Variants in LURAP1L observed in about 807,000 individuals in gnomAD.
The protein encoded by LURAP1L is leucine rich adaptor protein 1-like.
A neutral mutation model predicts 13.8 loss-of-function variants in LURAP1L; 12 were observed. The ratio of observed to expected loss-of-function variants is 0.87; its 90% CI spans 0.56 to 1.41. The LOEUF is 1.41. LURAP1L is among the 40% of genes most tolerant of loss of function. The pLI is 0.00. For synonymous variants in LURAP1L, 139 were observed against 119.2 expected, an observed-to-expected ratio of 1.17 and a Z score of -1.08; for missense variants, 375 against 292.9, an observed-to-expected ratio of 1.28 and a Z score of -2.04.
chr9:12,785,355 C>G (rs1410184852), intron 1 of LURAP1L, among the ~76,000 whole-genome samples: 2 of 152,144 alleles, frequency 1.3e-5, no homozygotes, highest in Non-Finnish European at 2.9e-5. Context: ...ACTCCCTCGG[C>G]TGGCCCAGCT....
At chr9:12,792,364 C>G (rs938842366) in intron 1 of LURAP1L, among the ~76,000 whole-genome samples, 1 of 152,086 alleles carries the variant, frequency 6.6e-6, no homozygotes, top group Non-Finnish European at 1.5e-5. Flanking sequence ...AAGATTTCTC[C>G]TGTGAGACAT....
intron 1 of LURAP1L, among the ~76,000 whole-genome samples, chr9:12,803,242 T>C (rs1819610854): frequency 6.6e-6 from 1 of 152,194 alleles, no homozygotes; most frequent in African/African-American, 2.4e-5. Context: ...TCTTGAAAAA[T>C]TTCCTATCAC....
chr9:12,783,588 G>T (rs748619919), intron 1 of LURAP1L, among the ~76,000 whole-genome samples: 1 of 152,046 alleles, frequency 6.6e-6, no homozygotes, highest in East Asian at 1.9e-4. Context: ...TTAATGTGTT[G>T]TTGAATTAGG....
At chr9:12,782,622 G>C (rs1177291455) in intron 1 of LURAP1L, among the ~76,000 whole-genome samples, 1 of 152,122 alleles carries the variant, frequency 6.6e-6, no homozygotes, top group East Asian at 1.9e-4. Flanking sequence ...CCAGTATCAT[G>C]CTGTTTTGGT....
intron 1 of LURAP1L, among the ~76,000 whole-genome samples, chr9:12,781,500 C>A: frequency 6.6e-6 from 1 of 152,168 alleles, no homozygotes; most frequent in Non-Finnish European, 1.5e-5. Flanking sequence ...ATAAGTGAGA[C>A]CACGCCAAGT....
chr9:12,800,255 A>G (rs1476227207), intron 1 of LURAP1L, among the ~76,000 whole-genome samples: 3 of 152,332 alleles, frequency 2.0e-5, no homozygotes, highest in East Asian at 3.9e-4. Context: ...TGCATATGTT[A>G]TCTTATTCAG....
At chr9:12,789,314 T>C (rs1819407802) in intron 1 of LURAP1L, among the ~76,000 whole-genome samples, 1 of 152,196 alleles carries the variant, frequency 6.6e-6, no homozygotes, top group South Asian at 2.1e-4. Context: ...TTAGTGTTTT[T>C]GCTCTTCACG....
chr9:12,777,374 T>C (rs1306531230), intron 1 of LURAP1L: 5 of 985,186 alleles, frequency 5.1e-6, no homozygotes, highest in Non-Finnish European at 6.0e-6. Flanking sequence ...GTGTGGAGAC[T>C]AACAGGTAAA....
At chr9:12,791,495 G>A (rs932337362) in intron 1 of LURAP1L, among the ~76,000 whole-genome samples, 2 of 151,960 alleles carry the variant, frequency 1.3e-5, no homozygotes, top group Non-Finnish European at 2.9e-5. Context: ...TTCCTACTAA[G>A]TGGCAGGCAT....
At chr9:12,815,533 G>C (rs914502650) in intron 1 of LURAP1L, among the ~76,000 whole-genome samples, 5 of 152,098 alleles carry the variant, frequency 3.3e-5, no homozygotes, top group Admixed American at 3.3e-4. Context: ...CTATGGACTT[G>C]CAAAGAAGTC....
Position 12,822,440 on chromosome 9 carries a change from T to G in LURAP1L, c.*680T>G, listed in dbSNP as rs1320124875. ...ATGTTTATTTGTGTAATAAAATGTA[T>G]TATTCTCCCAAATTTCAAGGAATAA... On this transcript the variant is annotated 3_prime_UTR_variant, in exon 2 of 2. Transcript: ENST00000319264. 6.6e-6 allele frequency among the ~76,000 whole-genome samples: 1 copy of G among 152,206 alleles called. No homozygotes were observed. The highest frequency in any genetic ancestry group is 1.5e-5 in the Non-Finnish European group (1 of 68,032).
intron 1 of LURAP1L, among the ~76,000 whole-genome samples, chr9:12,805,109 A>G (rs1819639057): frequency 6.6e-6 from 1 of 152,188 alleles, no homozygotes; most frequent in African/African-American, 2.4e-5. Context: ...TTACCAAACC[A>G]ATATATATCT....
chr9:12,821,226 A>G (rs1819876080), intron 1 of LURAP1L, among the ~76,000 whole-genome samples, 160 bp from the exon 2 acceptor site: 1 of 152,212 alleles, frequency 6.6e-6, no homozygotes, highest in Admixed American at 6.5e-5. Flanking sequence ...AACTCCTACC[A>G]TCAGTCAGCA....
rs1052645469 is a variant in LURAP1L, at chr9:12,783,045, T to C, written c.312+7018T>C. On this transcript the variant is annotated intron_variant, in intron 1 of 1. Coordinates refer to ENST00000319264, the MANE Select transcript of LURAP1L (RefSeq NM_203403.2). ...CGTTGGCATATAGAAATGCTACTGA[T>C]TTTTATGTTAATTTTGTATCCTACA... is the stretch of plus-strand genomic sequence containing the variant. Among the ~76,000 whole-genome samples the C allele has an allele frequency of 2.0e-5, 3 of 152,180 alleles. No homozygotes were observed. The South Asian group carries it at 6.2e-4, about 32-fold the overall frequency.
intron 1 of LURAP1L, among the ~76,000 whole-genome samples, chr9:12,808,070 C>G (rs1222440661): frequency 6.6e-6 from 1 of 151,994 alleles, no homozygotes; most frequent in African/African-American, 2.4e-5. Flanking sequence ...TCACTGAATG[C>G]ATTGTCATTG....
chr9:12,821,777 G>C lies in LURAP1L; in HGVS notation c.*17G>C. On this transcript the variant is annotated 3_prime_UTR_variant, in exon 2 of 2. Coordinates refer to ENST00000319264, the MANE Select transcript of LURAP1L (RefSeq NM_203403.2). ...TTTGGCTAGTGACAGTTTTTTGCAT[G>C]GGACTGGTGTGCAATGAACTTGTAT... is the stretch of plus-strand genomic sequence containing the variant. 1 of 1,599,250 alleles carries C rather than the reference G, an allele frequency of 6.3e-7. No homozygotes were observed. The highest frequency in any genetic ancestry group is 8.6e-7 in the Non-Finnish European group (1 of 1,169,304).
In LURAP1L at chr9:12,791,691, T is replaced by TACAC. The variant is rs111521632; in HGVS notation, c.312+15685_312+15688dup. 1.8e-3 allele frequency among the ~76,000 whole-genome samples: 272 copies of TACAC among 147,716 alleles called. 2 individuals carry two copies. The highest frequency in any genetic ancestry group is 5.1e-3 in the African/African-American group (204 of 40,094). ...CTCTCCTGCCCTCCTCCCTTCTTTT[T>TACAC]ACACACACACACACACACACACACT... is the stretch of plus-strand genomic sequence containing the variant. On this transcript the variant is annotated intron_variant, in intron 1 of 1. Transcript: ENST00000319264.
At position 12,821,568 on chromosome 9, in the gene LURAP1L, C is replaced by A. The variant is rs140138868; in HGVS notation, c.495C>A (p.Asn165Lys). Residue 165 changes from asparagine (N) to lysine (K), a missense_variant, in exon 2 of 2, where the codon AAC becomes AAA. Transcript: ENST00000319264. ...GCACCTCCTTACGTGGCAGCTACAA[C>A]AGCCTACACGATGGCAGTGATGGGC... ...SQSTSLRGSY[N>K]SLHDGSDGLD... 2.3e-4 allele frequency: 371 copies of A among 1,614,118 alleles called. 1 individual carries two copies. In the Admixed American group the frequency reaches 5.7e-3, roughly 25 times the overall value.
At chr9:12,802,160 T>G (rs941089613) in intron 1 of LURAP1L, among the ~76,000 whole-genome samples, 1 of 152,210 alleles carries the variant, frequency 6.6e-6, no homozygotes, top group Admixed American at 6.5e-5. Context: ...TCCTTTGTTG[T>G]TATTAGTACA....
Sources: allele counts gnomAD v4.1 joint callset (sites outside exome capture counted in the v4.1 genomes callset), GRCh38; gene constraint gnomAD v4.1.1; transcripts MANE v1.5; gene names NCBI Gene and HGNC (gene_info 2026-07-23, HGNC 2026-07-21).